Variants in OAS3 observed in about 807,000 individuals in gnomAD.
OAS3 encodes 2'-5'-oligoadenylate synthase 3.
OAS3 carries 107 observed loss-of-function variants against 113.0 expected under a neutral mutation model. That is an observed-to-expected ratio of 0.95 (90% confidence interval 0.81 to 1.11). OAS3 has a LOEUF of 1.11. Among genes scored for constraint, OAS3 ranks in the 50% most tolerant of loss-of-function variants. OAS3 has a pLI of 0.00. For missense variants in OAS3, 1,258 were observed against 1,389.1 expected (o/e 0.91, Z 1.50); for synonymous variants, 552 against 573.6 (o/e 0.96, Z 0.54).
chr12:112,940,280 A>G (rs1336383692), intron 1 of OAS3, among the ~76,000 whole-genome samples: 1 of 152,184 alleles, frequency 6.6e-6, no homozygotes, highest in Non-Finnish European at 1.5e-5. Context: ...AGCTGGTAGT[A>G]AAAGGACTGG....
At chr12:112,955,778 G>A (rs1406829913) in intron 7 of OAS3, among the ~76,000 whole-genome samples, 7 of 152,196 alleles carry the variant, frequency 4.6e-5, no homozygotes, top group African/African-American at 1.7e-4. Flanking sequence ...TCGCATAGAT[G>A]TTCATCAGGG....
rs1390684392 is a variant in OAS3, at chr12:112,941,639, T to G, written c.247T>G (p.Cys83Gly). ...TTCTGAACTTGTCATCTTCCTCGAC[T>G]GCTTCAAGAGCTATGTGGACCAGAG... Reference protein sequence around the residue: ...CDSELVIFLDCFKSYVDQRAR... With the variant: ...CDSELVIFLDGFKSYVDQRAR... The change falls in exon 2 of 16, where the codon TGC becomes GGC. Residue 83 changes from cysteine to glycine, a missense_variant. By Grantham distance (159) the Cys-to-Gly change is radical (BLOSUM62 -3). Coordinates refer to ENST00000228928, the MANE Select transcript of OAS3 (RefSeq NM_006187.4). 3 of 1,614,076 alleles carry G rather than the reference T, an allele frequency of 1.9e-6. No individual in the cohort carries two copies. Among genetic ancestry groups the G allele is most frequent in the Non-Finnish European group, 2.5e-6 (3 of 1,179,906 alleles).
chr12:112,956,008 T>A (rs1414067965), intron 7 of OAS3, among the ~76,000 whole-genome samples: 1 of 152,214 alleles, frequency 6.6e-6, no homozygotes, highest in Non-Finnish European at 1.5e-5. Flanking sequence ...TTGCCTCAAT[T>A]TCAGAGTCTG....
chr12:112,941,699 G>A lies in OAS3; in HGVS notation c.307G>A (p.Ala103Thr). 6.2e-7 allele frequency: 1 copy of A among 1,614,074 alleles called. No individual in the cohort carries two copies. Reference sequence around the variant, plus strand: ...TGCAGAGATCCTCAGTGAGATGCGGGCATCGCTGGAATCCTGGTGGCAGAA... The same window carrying A: ...TGCAGAGATCCTCAGTGAGATGCGGACATCGCTGGAATCCTGGTGGCAGAA... ...RRAEILSEMRASLESWWQNPV... is the reference protein window; with the variant it reads ...RRAEILSEMRTSLESWWQNPV... Residue 103 changes from alanine (A) to threonine (T), a missense_variant, in exon 2 of 16, where the codon GCA becomes ACA. By Grantham distance (58) the Ala-to-Thr change is moderately conservative. Transcript: ENST00000228928.
Position 112,962,840 on chromosome 12 carries a change from C to T in OAS3, c.2022C>T (p.Val674=), listed in dbSNP as rs770295907. 2.2e-5 allele frequency: 36 copies of T among 1,613,838 alleles called. No individual in the cohort carries two copies. The highest frequency in any genetic ancestry group is 3.1e-5 in the Non-Finnish European group (36 of 1,179,900). ...QHQQLCVYWT[V]NYSTEDPAMR... The stretch of plus-strand genomic sequence containing the variant: ...AGCAGCTCTGTGTCTACTGGACGGT[C>T]AACTATAGCACTGAGGACCCAGCCA... The change falls in exon 9 of 16, where the codon GTC becomes GTT. Residue 674 remains valine, a synonymous_variant. Transcript: ENST00000228928.
chr12:112,970,402 A>C lies in OAS3; in HGVS notation c.*429A>C. ...TGGCCTCTCCTTGCCAAATCTAAAT[A>C]GTTTATATAGGGATGGCAGAGAGTT... On this transcript the variant is annotated 3_prime_UTR_variant, in exon 16 of 16. Coordinates refer to ENST00000228928, the MANE Select transcript of OAS3 (RefSeq NM_006187.4). The C allele has an allele frequency of 4.4e-6, 1 of 229,316 alleles. No homozygotes were observed. The allele number at this position is 229,316 out of a possible 1,614,324, so 14.2% of individuals were successfully genotyped here.
chr12:112,944,508 CA>C lies in OAS3; in HGVS notation c.495del (p.Val166SerfsTer27), dbSNP rs2043709171. On this transcript the variant is annotated frameshift_variant, in exon 3 of 16. Transcript: ENST00000228928. LOFTEE classifies it high-confidence loss of function. ...CGGCTCCGGCGTCAAACCCAAGCCA[CA>C]AGTCTACTCTACCCTCCTCAACAGT... is the stretch of plus-strand genomic sequence containing the variant. ...QAGSGVKPKP[Q>X]VYSTLLNSGC... 6.2e-7 allele frequency: 1 copy of C among 1,613,978 alleles called. No individual in the cohort carries two copies. Among genetic ancestry groups the C allele is most frequent in the Admixed American group, 1.7e-5 (1 of 60,010 alleles).
intron 4 of OAS3, 66 bp downstream of exon 4, chr12:112,947,047 C>A: frequency 2.2e-6 from 3 of 1,365,272 alleles, no homozygotes; most frequent in South Asian, 2.5e-5. Flanking sequence ...TTGACAAGGA[C>A]AAAACCGGTT....
chr12:112,958,491 CTTTGA>C (rs2043854524), intron 7 of OAS3, among the ~76,000 whole-genome samples: 1 of 152,234 alleles, frequency 6.6e-6, no homozygotes, highest in South Asian at 2.1e-4. Flanking sequence ...TACCTTTGGT[CTTTGA>C]TGATGGTGAC....
At chr12:112,965,221 T>C (rs1371574722) in intron 11 of OAS3, among the ~76,000 whole-genome samples, 1 of 152,236 alleles carries the variant, frequency 6.6e-6, no homozygotes, top group Non-Finnish European at 1.5e-5. Flanking sequence ...ACCATAGGCA[T>C]GTACCTTCCC....
rs755523460 is a variant in OAS3, at chr12:112,941,850, T to G, written c.458T>G (p.Leu153Arg). 6.2e-7 allele frequency: 1 copy of G among 1,614,024 alleles called. No homozygotes were observed. The highest frequency in any genetic ancestry group is 8.5e-7 in the Non-Finnish European group (1 of 1,179,898). ...AGCCTGGTGCCTGCCTTCAATGTCC[T>G]GGGTGAGGGGTTCCTAGACCATTCC... ...DVSLVPAFNVLGQAGSGVKPK... is the reference protein window; with the variant it reads ...DVSLVPAFNVRGQAGSGVKPK... The change falls in exon 2 of 16, where the codon CTG becomes CGG. Residue 153 changes from leucine to arginine, a missense_variant and splice_region_variant. Physicochemically the swap from Leu to Arg is moderately radical, Grantham distance 102. Coordinates refer to ENST00000228928, the MANE Select transcript of OAS3 (RefSeq NM_006187.4).
At chr12:112,948,816 A>G in intron 5 of OAS3, 45 bp from the exon 6 acceptor site, 1 of 1,457,598 alleles carries the variant, frequency 6.9e-7, no homozygotes, top group Non-Finnish European at 9.3e-7. Context: ...GTTGATGCAG[A>G]AACCACTGCG....
rs76682310 is a variant in OAS3, at chr12:112,961,800, C to A, written c.1833+554C>A. 2.7e-3 allele frequency among the ~76,000 whole-genome samples: 401 copies of A among 149,438 alleles called. 2 individuals are homozygous for A. The highest frequency in any genetic ancestry group is 4.7e-3 in the Non-Finnish European group (318 of 67,936). The stretch of plus-strand genomic sequence containing the variant: ...CATCAGCCAATACATTCTTTCATAG[C>A]CTTTTTTTTTTTTGAGAAAGTGTCT... On this transcript the variant is annotated intron_variant, in intron 8 of 15. Coordinates refer to ENST00000228928, the MANE Select transcript of OAS3 (RefSeq NM_006187.4).
rs183654594 is a variant in OAS3 at position 112,958,710 on chromosome 12, C to T, written c.1658-2361C>T. 2.3e-3 allele frequency among the ~76,000 whole-genome samples: 349 copies of T among 152,346 alleles called. 2 individuals are homozygous for T. Among genetic ancestry groups the T allele is most frequent in the Non-Finnish European group, 4.2e-3 (287 of 68,032 alleles). On this transcript the variant is annotated intron_variant, in intron 7 of 15. Transcript: ENST00000228928. ...TGCCTGATCCTTCCTTTGGAAGCTT[C>T]GTCTCAGAGGGGCACCCAGCCATAT...
rs200145411 is a variant in OAS3, at chr12:112,948,849, A to C, written c.1030-12A>C. 6.5e-7 allele frequency: 1 copy of C among 1,543,620 alleles called. No homozygotes were observed. Among genetic ancestry groups the C allele is most frequent in the East Asian group, 2.4e-5 (1 of 41,116 alleles). On this transcript the variant is annotated splice_polypyrimidine_tract_variant and intron_variant, in intron 5 of 15. Coordinates refer to ENST00000228928, the MANE Select transcript of OAS3 (RefSeq NM_006187.4). ...GCGCCTGGCTGAGGCAGCTCCTTCA[A>C]TGACCTTCCAGGGCCTTCCACGTGC...
Position 112,938,667 on chromosome 12 carries a change from G to T in OAS3, c.137G>T (p.Arg46Leu). The T allele has an allele frequency of 6.3e-7, 1 of 1,588,354 alleles. No homozygotes were observed. Among genetic ancestry groups the T allele is most frequent in the Non-Finnish European group, 8.6e-7 (1 of 1,169,170 alleles). Residue 46 changes from arginine (R) to leucine (L), a missense_variant, in exon 1 of 16, where the codon CGC (arginine) becomes CTC (leucine). By Grantham distance (102) the Arg-to-Leu change is moderately radical. Coordinates refer to ENST00000228928, the MANE Select transcript of OAS3 (RefSeq NM_006187.4). ...LAAALRERGG[R>L]LGAAAPRVLK... Reference sequence around the variant, plus strand: ...GCTGCCCTGAGGGAGCGCGGGGGCCGCCTCGGTGCTGCTGCCCCGCGGGTG... The same window carrying T: ...GCTGCCCTGAGGGAGCGCGGGGGCCTCCTCGGTGCTGCTGCCCCGCGGGTG...
rs1362593182 is a variant in OAS3, at chr12:112,948,864, C to T, written c.1033C>T (p.Leu345Phe). 2 of 1,564,374 alleles carry T rather than the reference C, an allele frequency of 1.3e-6. No individual in the cohort carries two copies. The highest frequency in any genetic ancestry group is 1.7e-6 in the Non-Finnish European group (2 of 1,152,816). ...AGCTCCTTCAATGACCTTCCAGGGC[C>T]TTCCACGTGCTGGATGCTCAGGTTT... is the stretch of plus-strand genomic sequence containing the variant. ...DPVQSWKGPGLPRAGCSGLGH... is the reference protein window; with the variant it reads ...DPVQSWKGPGFPRAGCSGLGH... The change falls in exon 6 of 16, where the codon CTT becomes TTT. Residue 345 changes from leucine to phenylalanine, a missense_variant. By Grantham distance (22) the Leu-to-Phe change is conservative. Coordinates refer to ENST00000228928, the MANE Select transcript of OAS3 (RefSeq NM_006187.4).
chr12:112,951,338 AT>A (rs1194790874), intron 7 of OAS3, among the ~76,000 whole-genome samples: 5 of 150,612 alleles, frequency 3.3e-5, no homozygotes, highest in South Asian at 2.1e-4. Flanking sequence ...TTTATGGTTC[AT>A]TTTTTTTTAA....
chr12:112,964,441 T>TCA (rs2043916794), intron 11 of OAS3, 33 bp downstream of exon 11: 8 of 1,593,156 alleles, frequency 5.0e-6, no homozygotes, highest in African/African-American at 1.3e-5. Flanking sequence ...GCAAGCAGTG[T>TCA]CCTGCAAGCT....
Sources: gnomAD v4.1 joint callset for allele counts (sites outside exome capture counted in the v4.1 genomes callset) on GRCh38, gnomAD v4.1.1 for gene constraint, MANE v1.5 for transcripts, NCBI Gene and HGNC (gene_info 2026-07-23, HGNC 2026-07-21) for gene names.